The following RADIL variants were observed in gnomAD, a reference collection of about 807,000 sequenced individuals.
RADIL encodes ras-associating and dilute domain-containing protein.
A neutral mutation model predicts 97.6 loss-of-function variants in RADIL; 99 were observed. That is an observed-to-expected ratio of 1.01 (90% CI 0.86 to 1.20). RADIL has a LOEUF of 1.20. Ranked by LOEUF, RADIL falls within the 50% of genes most tolerant of loss-of-function variation. RADIL has a pLI of 0.00. For missense variants in RADIL, 1,765 were observed against 1,498.9 expected (o/e 1.18, Z -2.93); for synonymous variants, 803 against 691.8 (o/e 1.16, Z -2.52).
chr7:4,879,217 G>A lies in RADIL; in HGVS notation c.-64-1014C>T, dbSNP rs548838882. Among the ~76,000 whole-genome samples, 46 of 152,220 alleles carry A rather than the reference G, an allele frequency of 3.0e-4. No homozygotes were observed. Among genetic ancestry groups the A allele is most frequent in the Non-Finnish European group, 2.1e-4 (14 of 68,038 alleles). ...CAGAGATGCAGTCTCCTGGGGAAAC[G>A]GGAAAACAGCCTGGGACGCGTTGGC... On this transcript the variant is annotated intron_variant, in intron 1 of 14. Coordinates refer to ENST00000399583, the MANE Select transcript of RADIL (RefSeq NM_018059.5). This position sits in a 1 kb window ranked among gnomAD's most constrained non-coding sequence, Gnocchi z 4.1.
In RADIL at chr7:4,836,571, A is replaced by G; in HGVS notation, c.570T>C (p.Ser190=). The G allele has an allele frequency of 1.2e-6, 2 of 1,606,238 alleles. No homozygotes were observed. The highest frequency in any genetic ancestry group is 1.7e-6 in the Non-Finnish European group (2 of 1,179,276). Residue 190 remains serine, a synonymous_variant, in exon 3 of 15, where the codon AGT becomes AGC. Coordinates refer to ENST00000399583, the MANE Select transcript of RADIL (RefSeq NM_018059.5). ...CCGGGGTCGGGGTTCCCTTCGCGCG[A>G]CTCCGCTGCAGCCTCCGGGCCTGGG... ...INAQARRLQR[S]RAKGTPTPAL... is the part of the protein sequence containing the mutation.
At chr7:4,804,165 G>C (rs532810079) in intron 10 of RADIL, 3 of 294,934 alleles carry the variant, frequency 1.0e-5, no homozygotes, top group South Asian at 3.4e-5. Flanking sequence ...CAGGAATCAC[G>C]GGACCCAAAC....
At position 4,801,910 on chromosome 7, in the gene RADIL, T is replaced by A. The variant is rs1350629421; in HGVS notation, c.2585A>T (p.Glu862Val). ...GGGAAGAGTACGCTCCGGGGCCACTTCCCGGGCTGCTGGGCCAGGGTCCCT... is the reference window on the plus strand; with the variant it reads ...GGGAAGAGTACGCTCCGGGGCCACTACCCGGGCTGCTGGGCCAGGGTCCCT... ...APRDPGPAAR[E>V]VAPERTLPLR... is the part of the protein sequence containing the mutation. Residue 862 changes from glutamate (E) to valine (V), a missense_variant, in exon 12 of 15, where the codon GAA becomes GTA. By Grantham distance (121) the Glu-to-Val change is moderately radical (BLOSUM62 -2). Coordinates refer to ENST00000399583, the MANE Select transcript of RADIL (RefSeq NM_018059.5). 1.9e-6 allele frequency: 3 copies of A among 1,568,520 alleles called. No homozygotes were observed. The Admixed American group carries it at 5.8e-5, about 30-fold the overall frequency.
At chr7:4,843,741 G>A (rs369127480) in intron 2 of RADIL, among the ~76,000 whole-genome samples, 2 of 151,932 alleles carry the variant, frequency 1.3e-5, no homozygotes, top group Admixed American at 6.6e-5. Context: ...GGGAAACCCC[G>A]TCTCTACCAA....
rs1784283892 is a variant in RADIL at position 4,872,763 on chromosome 7, G to C, written c.535+4842C>G. Reference sequence around the variant, plus strand: ...AAAGTGCCTGCGTGCATTTCTACAGGGGGGTAGCAGTGAACTAAGTGATGA... The same window carrying C: ...AAAGTGCCTGCGTGCATTTCTACAGCGGGGTAGCAGTGAACTAAGTGATGA... On this transcript the variant is annotated intron_variant, in intron 2 of 14. Coordinates refer to ENST00000399583, the MANE Select transcript of RADIL (RefSeq NM_018059.5). This position sits in a 1 kb window ranked among gnomAD's most constrained non-coding sequence, Gnocchi z 5.8. Among the ~76,000 whole-genome samples the C allele has an allele frequency of 6.6e-6, 1 of 152,158 alleles. No homozygotes were observed. The highest frequency in any genetic ancestry group is 1.5e-5 in the Non-Finnish European group (1 of 68,042).
Position 4,799,426 on chromosome 7 carries a change from G to A in RADIL, c.3180C>T (p.Ser1060=), listed in dbSNP as rs200348720. The A allele has an allele frequency of 3.2e-4, 515 of 1,613,842 alleles. 1 individual carries two copies. In the African/African-American group the frequency reaches 5.2e-3, roughly 16 times the overall value. The change falls in exon 15 of 15, where the codon TCC becomes TCT. Residue 1060 remains serine, a synonymous_variant. Coordinates refer to ENST00000399583, the MANE Select transcript of RADIL (RefSeq NM_018059.5). ...GGATCTTCTTGGCTGTTTCCACGTC[G>A]GACTTCGCGACCAGGAACCGCATCT... ...GKKMRFLVAK[S]DVETAKKIHF...
chr7:4,805,512 G>A, intron 10 of RADIL, 54 bp downstream of exon 10: 1 of 1,497,636 alleles, frequency 6.7e-7, no homozygotes, highest in Non-Finnish European at 8.9e-7. Context: ...TCCAGCCTCG[G>A]GGCGAGTCTC....
Position 4,867,983 on chromosome 7 carries a change from G to C in RADIL, c.535+9622C>G, listed in dbSNP as rs150523495. On this transcript the variant is annotated intron_variant, in intron 2 of 14. Transcript: ENST00000399583. The surrounding 1 kb of genome is among the most constrained non-coding windows in gnomAD (Gnocchi z 4.1). ...GACGGCTGTCCTGCATTAGGCATTC[G>C]GTCATGGCTGCAGGCCAGAGTAAAC... 6.6e-6 allele frequency among the ~76,000 whole-genome samples: 1 copy of C among 152,202 alleles called. No homozygotes were observed. The highest frequency in any genetic ancestry group is 2.4e-5 in the African/African-American group (1 of 41,452).
In RADIL at chr7:4,848,847, T is replaced by C. The variant is rs796871982; in HGVS notation, c.536-12242A>G. Among the ~76,000 whole-genome samples, 114 of 152,136 alleles carry C rather than the reference T, an allele frequency of 7.5e-4. 2 individuals are homozygous for C. The highest frequency in any genetic ancestry group is 2.5e-3 in the African/African-American group (105 of 41,530). On this transcript the variant is annotated intron_variant, in intron 2 of 14. Coordinates refer to ENST00000399583, the MANE Select transcript of RADIL (RefSeq NM_018059.5). Reference sequence around the variant, plus strand: ...CATAGTAGGATACGTTTGTTAAAGATAGGGAATTAGGCCGGGCATGGTGGC... The same window carrying C: ...CATAGTAGGATACGTTTGTTAAAGACAGGGAATTAGGCCGGGCATGGTGGC...
chr7:4,864,937 T>C (rs1784096449), intron 2 of RADIL, among the ~76,000 whole-genome samples: 1 of 152,188 alleles, frequency 6.6e-6, no homozygotes, highest in Non-Finnish European at 1.5e-5. Context: ...CCAAAATACA[T>C]AACAAGCCAG....
chr7:4,848,207 A>G (rs1583304669), intron 2 of RADIL, among the ~76,000 whole-genome samples: 1 of 126,078 alleles, frequency 7.9e-6, no homozygotes, highest in Non-Finnish European at 1.6e-5. Context: ...ACTGAGTGAG[A>G]CCCCGTCTCA....
intron 2 of RADIL, chr7:4,865,839 C>T: frequency 1.4e-6 from 1 of 717,192 alleles, no homozygotes; most frequent in South Asian, 1.5e-5. Context: ...TGAGTGAACC[C>T]CTTTTCTGTG....
chr7:4,877,276 T>C (rs933265558), intron 2 of RADIL, among the ~76,000 whole-genome samples: 8 of 152,144 alleles, frequency 5.3e-5, no homozygotes, highest in African/African-American at 1.9e-4. Flanking sequence ...GACTCCTGTC[T>C]CTACAAAAAG....
At chr7:4,881,551 A>T (rs1784487545) in intron 1 of RADIL, among the ~76,000 whole-genome samples, 1 of 151,462 alleles carries the variant, frequency 6.6e-6, no homozygotes. Flanking sequence ...ACATGGTGAA[A>T]CCCTGTCTCC....
chr7:4,824,728 C>T lies in RADIL; in HGVS notation c.1455-2174G>A, dbSNP rs1782927630. Among the ~76,000 whole-genome samples the T allele has an allele frequency of 6.6e-6, 1 of 152,240 alleles. No homozygotes were observed. Among genetic ancestry groups the T allele is most frequent in the Non-Finnish European group, 1.5e-5 (1 of 68,036 alleles). On this transcript the variant is annotated intron_variant, in intron 5 of 14. Coordinates refer to ENST00000399583, the MANE Select transcript of RADIL (RefSeq NM_018059.5). This position sits in a 1 kb window ranked among gnomAD's most constrained non-coding sequence, Gnocchi z 6.7. The stretch of plus-strand genomic sequence containing the variant: ...TCTGGCACAGCTCAAAGTCCTGCTC[C>T]TTTTTGCCCATTCTGGACACTGGCT...
chr7:4,836,117 T>C (rs762517902), intron 3 of RADIL, among the ~76,000 whole-genome samples: 1 of 152,168 alleles, frequency 6.6e-6, no homozygotes, highest in Non-Finnish European at 1.5e-5. Context: ...GGGCACCCAC[T>C]CTGGGATTGG....
chr7:4,876,435 G>A (rs1784377823), intron 2 of RADIL, among the ~76,000 whole-genome samples: 1 of 151,984 alleles, frequency 6.6e-6, no homozygotes, highest in Admixed American at 6.6e-5. Flanking sequence ...TGAGTAGCTG[G>A]GATTACAGGC....
In RADIL at chr7:4,849,138, CAAAA is replaced by C. The variant is rs199947712; in HGVS notation, c.536-12537_536-12534del. On this transcript the variant is annotated intron_variant, in intron 2 of 14. Transcript: ENST00000399583. The surrounding 1 kb of genome is among the most constrained non-coding windows in gnomAD (Gnocchi z 5.4). ...GGGCAACAAGAGGGAAATTCTGTCT[CAAAA>C]AAAAAAAAAAAAAGGGAATTAAAAG... is the stretch of plus-strand genomic sequence containing the variant. Among the ~76,000 whole-genome samples the C allele has an allele frequency of 5.4e-3, 647 of 120,594 alleles. 3 individuals are homozygous for C. Among genetic ancestry groups the C allele is most frequent in the African/African-American group, 0.011 (403 of 35,764 alleles). The allele number at this position is 120,594 out of a possible 152,430, so 79.1% of individuals were successfully genotyped here.
Position 4,836,598 on chromosome 7 carries a change from G to A in RADIL, c.543C>T (p.Asn181=), listed in dbSNP as rs1476151843. The A allele has an allele frequency of 7.5e-6, 12 of 1,606,722 alleles. No individual in the cohort carries two copies. The African/African-American group carries it at 8.0e-5, about 11-fold the overall frequency. Residue 181 remains asparagine, a synonymous_variant, in exon 3 of 15, where the codon AAC becomes AAT. Transcript: ENST00000399583. ...KEVDTITAGI[N]AQARRLQRSR... is the part of the protein sequence containing the mutation. ...TCCGCTGCAGCCTCCGGGCCTGGGC[G>A]TTTATCCCTGGAACAGAAGCAACAC...
Sources: allele counts gnomAD v4.1 joint callset (sites outside exome capture counted in the v4.1 genomes callset), GRCh38; gene constraint gnomAD v4.1.1; non-coding constraint Gnocchi (gnomAD v3.1); transcripts MANE v1.5; gene names NCBI Gene and HGNC (gene_info 2026-07-23, HGNC 2026-07-21).